RERE: variants seen among roughly 807,000 people sequenced by gnomAD.
RERE encodes the protein arginine-glutamic acid dipeptide repeats.
A neutral mutation model predicts 146.1 loss-of-function variants in RERE; 40 were observed. The observed-to-expected ratio is 0.27, with a 90% CI of 0.21 to 0.36. The LOEUF is 0.36. RERE is among the 10% of genes least tolerant of loss of function. The pLI is 1.00. For missense variants in RERE, 1,933 were observed against 2,138.7 expected (o/e 0.90, Z 1.90); for synonymous variants, 1,003 against 866.0 (o/e 1.16, Z -2.78).
intron 1 of RERE, among the ~76,000 whole-genome samples, chr1:8,680,082 T>C (rs1048415837): frequency 9.2e-5 from 14 of 152,098 alleles, no homozygotes; most frequent in Non-Finnish European, 1.6e-4. Flanking sequence ...TGGTAGCGGG[T>C]AGGGGTGCAA....
intron 11 of RERE, among the ~76,000 whole-genome samples, chr1:8,457,621 G>C (rs1345929944): frequency 6.6e-6 from 1 of 151,866 alleles, no homozygotes; most frequent in Non-Finnish European, 1.5e-5. Flanking sequence ...TTATTTTTTT[G>C]AGACAGAGTC....
At chr1:8,720,946 C>T (rs1489020593) in intron 1 of RERE, among the ~76,000 whole-genome samples, 1 of 152,096 alleles carries the variant, frequency 6.6e-6, no homozygotes, top group Non-Finnish European at 1.5e-5. Flanking sequence ...ATCCCAGTTA[C>T]TCAGGAGGCT....
intron 12 of RERE, among the ~76,000 whole-genome samples, chr1:8,407,861 C>T (rs1010182887): frequency 2.0e-5 from 3 of 152,098 alleles, no homozygotes; most frequent in Non-Finnish European, 1.5e-5. Flanking sequence ...CTGTTAACTG[C>T]GGCTCTCAAG....
At chr1:8,489,566 A>C (rs889361475) in intron 10 of RERE, among the ~76,000 whole-genome samples, 2 of 152,164 alleles carry the variant, frequency 1.3e-5, no homozygotes, top group African/African-American at 2.4e-5. Context: ...ATGGGCAATA[A>C]AACAGGAAAA....
chr1:8,409,457 G>T (rs928721784), intron 12 of RERE, among the ~76,000 whole-genome samples: 3 of 152,186 alleles, frequency 2.0e-5, no homozygotes, highest in African/African-American at 7.2e-5. Context: ...TTGGGGAGAG[G>T]AATAGAAGCA....
intron 1 of RERE, among the ~76,000 whole-genome samples, chr1:8,730,735 C>T (rs1640063298): frequency 6.6e-6 from 1 of 152,226 alleles, no homozygotes; most frequent in Non-Finnish European, 1.5e-5. Flanking sequence ...ACCTCCCAGG[C>T]TCCCAAAGGG....
chr1:8,380,900 T>C (rs1394529663), intron 12 of RERE: 1 of 456,652 alleles, frequency 2.2e-6, no homozygotes, highest in African/African-American at 2.0e-5. Context: ...CTGTAACGTC[T>C]GCCAGGGCTT....
chr1:8,666,198 A>G (rs1370385759), intron 1 of RERE, among the ~76,000 whole-genome samples: 1 of 152,236 alleles, frequency 6.6e-6, no homozygotes, highest in Admixed American at 6.5e-5. Flanking sequence ...ATCTGGCAGT[A>G]GGAGATGTTT....
At chr1:8,786,181 A>G in intron 1 of RERE, 1 of 655,586 alleles carries the variant, frequency 1.5e-6, no homozygotes, top group Non-Finnish European at 2.7e-6. Context: ...CTAGAAAAAT[A>G]ATTGTGGTAA....
chr1:8,649,351 C>T (rs1020142588), intron 2 of RERE, among the ~76,000 whole-genome samples: 8 of 152,104 alleles, frequency 5.3e-5, no homozygotes, highest in Non-Finnish European at 1.2e-4. Context: ...AAACAGACTT[C>T]CAGAAGTCTT....
chr1:8,410,704 T>C (rs1197560069), intron 12 of RERE, among the ~76,000 whole-genome samples: 2 of 152,134 alleles, frequency 1.3e-5, no homozygotes, highest in East Asian at 1.9e-4. Flanking sequence ...AAAACACCCA[T>C]CCTTCAAAGA....
intron 12 of RERE, among the ~76,000 whole-genome samples, chr1:8,401,038 C>CAAATATAT (rs1643242151): frequency 1.7e-5 from 1 of 57,482 alleles, no homozygotes; most frequent in Admixed American, 2.4e-4. Context: ...AAAAAAAAAC[C>CAAATATAT]ATATATATAT....
At chr1:8,604,258 G>GT (rs1646671009) in intron 4 of RERE, among the ~76,000 whole-genome samples, 2 of 152,192 alleles carry the variant, frequency 1.3e-5, no homozygotes, top group African/African-American at 2.4e-5. Flanking sequence ...AAAACGTGAG[G>GT]TTTTTTAACT....
chr1:8,429,637 G>C (rs953899837), intron 11 of RERE, among the ~76,000 whole-genome samples: 4 of 152,144 alleles, frequency 2.6e-5, no homozygotes, highest in African/African-American at 7.2e-5. Context: ...TCCCTCTGGT[G>C]AATTTTAACT....
At chr1:8,637,905 C>T (rs566892277) in intron 2 of RERE, among the ~76,000 whole-genome samples, 16 of 152,284 alleles carry the variant, frequency 1.1e-4, no homozygotes, top group African/African-American at 3.8e-4. Context: ...AATTCCATTC[C>T]TTAGGAAAGT....
intron 12 of RERE, among the ~76,000 whole-genome samples, chr1:8,370,507 G>A (rs947564669): frequency 1.3e-5 from 2 of 152,130 alleles, no homozygotes; most frequent in African/African-American, 2.4e-5. Context: ...GGCAGGTTAC[G>A]TCAATAAAGC....
At chr1:8,731,800 G>A (rs1640091614) in intron 1 of RERE, among the ~76,000 whole-genome samples, 1 of 151,312 alleles carries the variant, frequency 6.6e-6, no homozygotes, top group Middle Eastern at 3.2e-3. Flanking sequence ...TTGTTTGTTT[G>A]TTTGTTTTGT....
Position 8,599,594 on chromosome 1 carries a change from G to A in RERE, c.522+14967C>T, listed in dbSNP as rs545659933. Among the ~76,000 whole-genome samples, 142 of 152,226 alleles carry A rather than the reference G, an allele frequency of 9.3e-4. 2 individuals are homozygous for A. The highest frequency in any genetic ancestry group is 3.4e-3 in the African/African-American group (141 of 41,542). On this transcript the variant is annotated intron_variant, in intron 4 of 22. Coordinates refer to ENST00000400908, the MANE Select transcript of RERE (RefSeq NM_001042681.2). ...TAAAACGGAAGAGAATTATCTAAAG[G>A]GATTCACCGGCTACTGACTAATTTT...
rs374828097 is a variant in RERE, at chr1:8,365,233, G to A, written c.1448-395C>T. ...CCGTCCTGCTAGGTGATTTCTAGTCGCCTGCATGCGCAACACCGGCGCCCC... is the reference window on the plus strand; with the variant it reads ...CCGTCCTGCTAGGTGATTTCTAGTCACCTGCATGCGCAACACCGGCGCCCC... On this transcript the variant is annotated intron_variant, in intron 13 of 22. Transcript: ENST00000400908. Among the ~76,000 whole-genome samples, 14 of 152,186 alleles carry A rather than the reference G, an allele frequency of 9.2e-5. No individual in the cohort carries two copies. The East Asian group carries it at 1.2e-3, about 13-fold the overall frequency.
Sources: allele counts gnomAD v4.1 joint callset (sites outside exome capture counted in the v4.1 genomes callset), GRCh38; gene constraint gnomAD v4.1.1; transcripts MANE v1.5; gene names NCBI Gene and HGNC (gene_info 2026-07-23, HGNC 2026-07-21).